ABCA5: variants seen among roughly 807,000 people sequenced by gnomAD.
The protein encoded by ABCA5 is ATP binding cassette subfamily A member 5.
Under a neutral mutation model 206.0 loss-of-function variants are expected in ABCA5, and 163 were observed. That is an observed-to-expected ratio of 0.79 (90% CI 0.70 to 0.90). The LOEUF is 0.90. Among genes scored for constraint, ABCA5 ranks in the 40% least tolerant of loss-of-function variants. The pLI is 0.00. For missense variants in ABCA5, 1,859 were observed against 1,912.9 expected (o/e 0.97, Z 0.53); for synonymous variants, 609 against 613.8 (o/e 0.99, Z 0.11).
At chr17:69,293,454 TC>T (rs1222874421) in intron 11 of ABCA5, among the ~76,000 whole-genome samples, 1 of 152,052 alleles carries the variant, frequency 6.6e-6, no homozygotes, top group Non-Finnish European at 1.5e-5. Context: ...ATTTTATGGG[TC>T]CCCCTGGCTA....
chr17:69,320,207 TA>T (rs1257828687), intron 1 of ABCA5, among the ~76,000 whole-genome samples: 1 of 151,994 alleles, frequency 6.6e-6, no homozygotes, highest in African/African-American at 2.4e-5. Context: ...GAAAGATAAT[TA>T]AGAAAAAAGC....
Position 69,261,550 on chromosome 17 carries a change from AT to A in ABCA5, c.3429+84del, listed in dbSNP as rs398119974. 266 of 585,756 alleles carry A rather than the reference AT, an allele frequency of 4.5e-4. No individual in the cohort carries two copies. The African/African-American group carries it at 9.4e-3, about 21-fold the overall frequency. 36.3% of individuals were successfully genotyped at this position (585,756 alleles called of 1,614,324 possible). On this transcript the variant is annotated intron_variant, in intron 25 of 38. Coordinates refer to ENST00000392676, the MANE Select transcript of ABCA5 (RefSeq NM_172232.4). ...TCTAAATTATTCACTTACAAAAGAC[AT>A]GTAACATTTTTAGTATAATCAGGAA... is the stretch of plus-strand genomic sequence containing the variant.
At position 69,245,690 on chromosome 17, in the gene ABCA5, C is replaced by A. The variant is rs1015821694; in HGVS notation, c.*1847G>T. Reference sequence around the variant, plus strand: ...TTCATATACATTAAAAGCAAAGTAACTAAATGAACAAAATAAATAACATGA... The same window carrying A: ...TTCATATACATTAAAAGCAAAGTAAATAAATGAACAAAATAAATAACATGA... On this transcript the variant is annotated 3_prime_UTR_variant, in exon 39 of 39. Coordinates refer to ENST00000392676, the MANE Select transcript of ABCA5 (RefSeq NM_172232.4). 3.3e-5 allele frequency: 5 copies of A among 151,812 alleles called. No homozygotes were observed. The highest frequency in any genetic ancestry group is 5.9e-5 in the Non-Finnish European group (4 of 67,804). 9.4% of individuals were successfully genotyped at this position (151,812 alleles called of 1,614,324 possible).
intron 37 of ABCA5, 85 bp from the exon 38 acceptor site, chr17:69,248,402 AAT>A (rs1425431087): frequency 6.6e-6 from 5 of 755,854 alleles, no homozygotes; most frequent in Middle Eastern, 3.5e-4. Context: ...AATGTTTTAA[AAT>A]ATCTCTGTAA....
Position 69,256,156 on chromosome 17 carries a change from C to A in ABCA5, c.3858+1G>T. The A allele has an allele frequency of 6.3e-7, 1 of 1,586,480 alleles. No individual in the cohort carries two copies. Among genetic ancestry groups the A allele is most frequent in the Non-Finnish European group, 8.5e-7 (1 of 1,169,934 alleles). The stretch of plus-strand genomic sequence containing the variant: ...TGACTTAGCCATAAAGAATAAATTA[C>A]CTCCTCACAACACTGGCAACCCATC... On this transcript the variant is annotated splice_donor_variant, in intron 29 of 38. Transcript: ENST00000392676. LOFTEE classifies it high-confidence loss of function.
intron 20 of ABCA5, 106 bp from the exon 21 acceptor site, chr17:69,271,395 C>T (rs940923847): frequency 1.3e-5 from 16 of 1,229,934 alleles, no homozygotes; most frequent in Admixed American, 8.6e-5. Flanking sequence ...TTTTCATTAG[C>T]GAATACGCAA....
chr17:69,278,973 C>T (rs1213058166), intron 18 of ABCA5, among the ~76,000 whole-genome samples: 1 of 151,120 alleles, frequency 6.6e-6, no homozygotes, highest in Non-Finnish European at 1.5e-5. Context: ...TGAAAACTGG[C>T]ACAAGACAGG....
chr17:69,273,403 A>T (rs548987955), intron 20 of ABCA5, among the ~76,000 whole-genome samples: 13 of 149,264 alleles, frequency 8.7e-5, no homozygotes, highest in African/African-American at 3.2e-4. Flanking sequence ...CGTTATTATT[A>T]AAAAAGGAAA....
At chr17:69,299,441 T>C (rs1236175207) in intron 9 of ABCA5, among the ~76,000 whole-genome samples, 5 of 130,986 alleles carry the variant, frequency 3.8e-5, no homozygotes, top group Non-Finnish European at 6.8e-5. Flanking sequence ...AACAACTGGA[T>C]AAAGAAAATG....
chr17:69,274,004 T>G lies in ABCA5; in HGVS notation c.2719A>C (p.Lys907Gln). Reference sequence around the variant, plus strand: ...AGACTTGTTTTGTATTTATGTGGTTTGTCTCCAGGTTTTAGAAAATATAAG... The same window carrying G: ...AGACTTGTTTTGTATTTATGTGGTTGGTCTCCAGGTTTTAGAAAATATAAG... ...PDLYFLKPGD[K>Q]PHKYKTSLLL... Residue 907 changes from lysine to glutamine, a missense_variant, in exon 20 of 39, where the codon AAA becomes CAA. Physicochemically the swap from Lys to Gln is moderately conservative, Grantham distance 53 (BLOSUM62 1). Transcript: ENST00000392676. The G allele has an allele frequency of 6.2e-7, 1 of 1,610,392 alleles. No individual in the cohort carries two copies. Among genetic ancestry groups the G allele is most frequent in the Non-Finnish European group, 8.5e-7 (1 of 1,178,904 alleles).
intron 23 of ABCA5, among the ~76,000 whole-genome samples, chr17:69,265,352 T>C (rs1307644449): frequency 1.3e-5 from 2 of 152,128 alleles, no homozygotes; most frequent in Non-Finnish European, 2.9e-5. Context: ...TTGCCAAGTA[T>C]CCTTTGGATT....
chr17:69,261,654 C>A lies in ABCA5; in HGVS notation c.3410G>T (p.Trp1137Leu). Residue 1137 changes from tryptophan (W) to leucine (L), a missense_variant, in exon 25 of 39, where the codon TGG becomes TTG. By Grantham distance (61) the Trp-to-Leu change is moderately conservative. Coordinates refer to ENST00000392676, the MANE Select transcript of ABCA5 (RefSeq NM_172232.4). ...ACTTACCACAGAATAGATAAATGAC[C>A]AAAATTCTTTGGTATTTAAAATTTT... ...FKKILNTKEFWSFIYSVAALA... is the reference protein window; with the variant it reads ...FKKILNTKEFLSFIYSVAALA... 1.4e-6 allele frequency: 2 copies of A among 1,423,704 alleles called. No homozygotes were observed. Among genetic ancestry groups the A allele is most frequent in the Non-Finnish European group, 1.9e-6 (2 of 1,046,534 alleles). The allele number at this position is 1,423,704 out of a possible 1,614,324, so 88.2% of individuals were successfully genotyped here.
intron 11 of ABCA5, among the ~76,000 whole-genome samples, chr17:69,294,260 T>G (rs147504999): frequency 6.6e-6 from 1 of 152,148 alleles, no homozygotes; most frequent in African/African-American, 2.4e-5. Context: ...CAGTGGCTCA[T>G]GCCTGTAATT....
At chr17:69,289,747 G>T in intron 13 of ABCA5, 115 bp downstream of exon 13, 1 of 784,352 alleles carries the variant, frequency 1.3e-6, no homozygotes, top group Non-Finnish European at 1.9e-6. Context: ...TCTGTTTGCT[G>T]GCTCAGAACA....
intron 1 of ABCA5, among the ~76,000 whole-genome samples, chr17:69,325,308 C>CA (rs35573417): frequency 0.26 from 35,179 of 137,730 alleles, 4,545 homozygotes; most frequent in East Asian, 0.52. Context: ...GACCCTGTCT[C>CA]AAAAAAAAAA....
intron 1 of ABCA5, among the ~76,000 whole-genome samples, chr17:69,319,688 T>C (rs1490522363): frequency 6.6e-6 from 1 of 152,256 alleles, no homozygotes; most frequent in East Asian, 1.9e-4. Flanking sequence ...TTTCTTCTAA[T>C]GTACCACACC....
In ABCA5 at chr17:69,301,159, T is replaced by A; in HGVS notation, c.1247A>T (p.Tyr416Phe). 1 of 1,562,446 alleles carries A rather than the reference T, an allele frequency of 6.4e-7. No homozygotes were observed. Residue 416 changes from tyrosine (Y) to phenylalanine (F), a missense_variant, in exon 9 of 39, where the codon TAT becomes TTT. Physicochemically the swap from Tyr to Phe is conservative, Grantham distance 22. Transcript: ENST00000392676. ...CATACCTGGAATGACTTGATCAAGA[T>A]AGACAGCCAAGAGGACATAGAATAT... is the stretch of plus-strand genomic sequence containing the variant. ...NSIFYVLLAVYLDQVIPGEFG... is the reference protein window; with the variant it reads ...NSIFYVLLAVFLDQVIPGEFG...
At chr17:69,254,124 G>T (rs976552053) in intron 32 of ABCA5, among the ~76,000 whole-genome samples, 191 bp downstream of exon 32, 8 of 151,964 alleles carry the variant, frequency 5.3e-5, no homozygotes, top group African/African-American at 1.9e-4. Flanking sequence ...ATTAAAAAAT[G>T]ACCTTTTTAT....
At chr17:69,270,468 A>G in intron 22 of ABCA5, 145 bp downstream of exon 22, 1 of 695,364 alleles carries the variant, frequency 1.4e-6, no homozygotes, top group Non-Finnish European at 2.3e-6. Flanking sequence ...ACCTTAATGT[A>G]AACCGTTTCT....
Sources: gnomAD v4.1 joint callset for allele counts (sites outside exome capture counted in the v4.1 genomes callset) on GRCh38, gnomAD v4.1.1 for gene constraint, MANE v1.5 for transcripts, NCBI Gene and HGNC (gene_info 2026-07-23, HGNC 2026-07-21) for gene names.